KIF11: variants seen among roughly 807,000 people sequenced by gnomAD.
The protein encoded by KIF11 is kinesin-like protein KIF11.
Under a neutral mutation model 121.0 loss-of-function variants are expected in KIF11, and 9 were observed. The observed-to-expected ratio is 0.07, with a 90% confidence interval of 0.04 to 0.13. The LOEUF (loss-of-function observed/expected upper bound fraction) is 0.13. KIF11 is among the 10% of genes least tolerant of loss of function. The pLI, the probability that KIF11 is intolerant of heterozygous loss-of-function variation, is 1.00. For synonymous variants in KIF11, 408 were observed against 421.0 expected (o/e 0.97, Z 0.38); for missense variants, 846 against 1,217.5 (o/e 0.69, Z 4.54).
chr10:92,647,188 T>C (rs1279578830), intron 18 of KIF11, among the ~76,000 whole-genome samples: 1 of 152,052 alleles, frequency 6.6e-6, no homozygotes, highest in African/African-American at 2.4e-5. Flanking sequence ...AAATAAAGCA[T>C]AGAAATGCAG....
chr10:92,597,938 C>T (rs990204604), intron 1 of KIF11, among the ~76,000 whole-genome samples: 2 of 151,398 alleles, frequency 1.3e-5, no homozygotes, highest in East Asian at 1.9e-4. Flanking sequence ...GGCGTGAGCC[C>T]GTGCCTGGGC....
chr10:92,648,108 C>CAAAA (rs34357393), intron 18 of KIF11, 104 bp from the exon 19 acceptor site: 71 of 685,436 alleles, frequency 1.0e-4, no homozygotes, highest in African/African-American at 8.5e-4. Context: ...GACTTGTCTC[C>CAAAA]AAAAAAAAAA....
chr10:92,603,781 C>T (rs1844401415), intron 1 of KIF11, among the ~76,000 whole-genome samples: 1 of 152,178 alleles, frequency 6.6e-6, no homozygotes, highest in Non-Finnish European at 1.5e-5. Flanking sequence ...AGCCACTGTG[C>T]CTGGCCTGCT....
At chr10:92,642,890 A>C (rs1432041211) in intron 17 of KIF11, among the ~76,000 whole-genome samples, 1 of 152,050 alleles carries the variant, frequency 6.6e-6, no homozygotes, top group Non-Finnish European at 1.5e-5. Flanking sequence ...TTTTTCATCA[A>C]ATTTATAATC....
At chr10:92,620,606 A>G (rs189322161) in intron 9 of KIF11, among the ~76,000 whole-genome samples, 9 of 152,326 alleles carry the variant, frequency 5.9e-5, no homozygotes, top group South Asian at 2.1e-4. Flanking sequence ...GCTGATAAAG[A>G]CATACCCGAG....
chr10:92,646,024 T>A (rs1303349466), intron 18 of KIF11, among the ~76,000 whole-genome samples: 1 of 148,722 alleles, frequency 6.7e-6, no homozygotes, highest in Non-Finnish European at 1.5e-5. Flanking sequence ...CGATCTCAGC[T>A]CACTGCAACC....
At chr10:92,623,772 A>G (rs970619223) in intron 10 of KIF11, among the ~76,000 whole-genome samples, 3 of 152,220 alleles carry the variant, frequency 2.0e-5, no homozygotes, top group Admixed American at 2.0e-4. Context: ...TGTAGTCTTT[A>G]GAAATGATAT....
intron 4 of KIF11, 32 bp downstream of exon 4, chr10:92,607,269 T>G (rs1844440370): frequency 2.5e-5 from 33 of 1,304,722 alleles, no homozygotes; most frequent in Non-Finnish European, 3.4e-5. Flanking sequence ...CTTTTATCTC[T>G]AATGTGACTG....
At chr10:92,623,627 G>T (rs1300671743) in intron 10 of KIF11, among the ~76,000 whole-genome samples, 2 of 152,128 alleles carry the variant, frequency 1.3e-5, no homozygotes, top group Non-Finnish European at 1.5e-5. Flanking sequence ...TGTATTCCAT[G>T]AATGTGTAAG....
At chr10:92,596,993 TG>T in intron 1 of KIF11, 1 of 394,572 alleles carries the variant, frequency 2.5e-6, no homozygotes, top group South Asian at 2.3e-5. Flanking sequence ...TACCAATGCA[TG>T]GGTCACATTT....
chr10:92,653,885 A>T lies in KIF11; in HGVS notation c.*89A>T. On this transcript the variant is annotated 3_prime_UTR_variant, in exon 22 of 22. Transcript: ENST00000260731. ...AACTTGAGCCTTGTGTATAGATTTT[A>T]AAAGAATATATATATCAGCCGGGCG... 2 of 1,210,610 alleles carry T rather than the reference A, an allele frequency of 1.7e-6. No individual in the cohort carries two copies. Among genetic ancestry groups the T allele is most frequent in the Non-Finnish European group, 2.3e-6 (2 of 860,748 alleles). 75.0% of individuals were successfully genotyped at this position (1,210,610 alleles called of 1,614,324 possible).
At chr10:92,603,811 A>T (rs369358921) in intron 1 of KIF11, among the ~76,000 whole-genome samples, 2 of 152,280 alleles carry the variant, frequency 1.3e-5, no homozygotes, top group African/African-American at 4.8e-5. Flanking sequence ...TTTCTAATTT[A>T]TCAGCATCTA....
Position 92,653,976 on chromosome 10 carries a change from G to A in KIF11, c.*180G>A. 2.3e-6 allele frequency: 1 copy of A among 444,036 alleles called. No homozygotes were observed. The highest frequency in any genetic ancestry group is 4.1e-5 in the East Asian group (1 of 24,228). The allele number at this position is 444,036 out of a possible 1,614,324, so 27.5% of individuals were successfully genotyped here. A position where few individuals can be genotyped will look rare whatever the true frequency, so the allele number is the denominator to read the frequency against. On this transcript the variant is annotated 3_prime_UTR_variant, in exon 22 of 22. Coordinates refer to ENST00000260731, the MANE Select transcript of KIF11 (RefSeq NM_004523.4). ...AGGCGGGTGGATTGCTTGAGCCCAG[G>A]AGTTTGAGACCAGCCTGGCCAACGT...
intron 16 of KIF11, among the ~76,000 whole-genome samples, chr10:92,637,896 C>A (rs1327021825): frequency 6.6e-6 from 1 of 152,160 alleles, no homozygotes; most frequent in Non-Finnish European, 1.5e-5. Context: ...TAAGTTGTTT[C>A]TAGGATGGCA....
intron 4 of KIF11, 26 bp downstream of exon 4, chr10:92,607,263 T>C (rs780964759): frequency 2.6e-5 from 36 of 1,367,924 alleles, no homozygotes; most frequent in Non-Finnish European, 3.3e-5. Flanking sequence ...AACATACTTT[T>C]ATCTCTAATG....
At chr10:92,604,225 C>T (rs971408036) in intron 1 of KIF11, among the ~76,000 whole-genome samples, 1 of 152,172 alleles carries the variant, frequency 6.6e-6, no homozygotes, top group African/African-American at 2.4e-5. Context: ...CACATAGTCC[C>T]TAAAGCTTCT....
rs772804375 is a variant in KIF11 at position 92,593,429 on chromosome 10, C to T, written c.54C>T (p.Asn18=). The T allele has an allele frequency of 6.2e-7, 1 of 1,610,850 alleles. No individual in the cohort carries two copies. The highest frequency in any genetic ancestry group is 1.1e-5 in the South Asian group (1 of 90,254). Residue 18 remains asparagine (N), a synonymous_variant, in exon 1 of 22, where the codon AAC becomes AAT. Transcript: ENST00000260731. ...AGAAGAAAGAGGAGAAGGGGAAGAA[C>T]ATCCAGGTGGTGGTGAGATGCAGGT... is the stretch of plus-strand genomic sequence containing the variant. ...SAKKKEEKGK[N]IQVVVRCRPF...
intron 8 of KIF11, among the ~76,000 whole-genome samples, chr10:92,614,322 C>A (rs1447855804): frequency 6.6e-6 from 1 of 152,098 alleles, no homozygotes; most frequent in Non-Finnish European, 1.5e-5. Flanking sequence ...GTCTCAAACC[C>A]CTGACCTCAG....
intron 17 of KIF11, 37 bp downstream of exon 17, chr10:92,639,937 A>T: frequency 1.9e-6 from 2 of 1,079,698 alleles, no homozygotes; most frequent in East Asian, 4.8e-5. Context: ...CTTTTCTGTA[A>T]GTCTGAAATT....
Sources: gnomAD v4.1 joint callset for allele counts (sites outside exome capture counted in the v4.1 genomes callset) on GRCh38, gnomAD v4.1.1 for gene constraint, MANE v1.5 for transcripts, NCBI Gene and HGNC (gene_info 2026-07-23, HGNC 2026-07-21) for gene names.